PHF14: variants seen among roughly 807,000 people sequenced by gnomAD.
PHF14 encodes the protein PHD finger protein 14.
PHF14 carries 55 observed loss-of-function variants against 117.9 expected under a neutral mutation model. That is an observed-to-expected ratio of 0.47 (90% CI 0.38 to 0.58). The LOEUF is 0.58. Among genes scored for constraint, PHF14 ranks in the 20% least tolerant of loss-of-function variants. The pLI, the probability that PHF14 is intolerant of heterozygous loss-of-function variation, is 0.00. For synonymous variants in PHF14, 409 were observed against 368.6 expected (o/e 1.11, Z -1.26); for missense variants, 978 against 1,122.2 (o/e 0.87, Z 1.84).
chr7:10,976,537 A>G (rs1321948851), intron 2 of PHF14, among the ~76,000 whole-genome samples: 1 of 152,156 alleles, frequency 6.6e-6, no homozygotes, highest in East Asian at 1.9e-4. Flanking sequence ...TTATGTGACA[A>G]TAAATCTTGA....
intron 13 of PHF14, among the ~76,000 whole-genome samples, chr7:11,043,519 C>A (rs1359066202): frequency 6.6e-6 from 1 of 151,994 alleles, no homozygotes; most frequent in Non-Finnish European, 1.5e-5. Flanking sequence ...GAGTGAACCC[C>A]AAATTTTTAA....
intron 17 of PHF14, among the ~76,000 whole-genome samples, chr7:11,144,090 C>T (rs887349073): frequency 1.3e-5 from 2 of 151,956 alleles, no homozygotes; most frequent in East Asian, 1.9e-4. Flanking sequence ...AAAAGTCATA[C>T]AAGCAGTCAA....
intron 17 of PHF14, among the ~76,000 whole-genome samples, chr7:11,148,607 T>G (rs928785346): frequency 6.6e-6 from 1 of 152,204 alleles, no homozygotes; most frequent in Non-Finnish European, 1.5e-5. Context: ...AACAGTTTGT[T>G]GCCTGTCTCT....
At chr7:11,119,143 A>T (rs1787680804) in intron 17 of PHF14, among the ~76,000 whole-genome samples, 1 of 151,962 alleles carries the variant, frequency 6.6e-6, no homozygotes, top group Admixed American at 6.6e-5. Context: ...CATAACTGAG[A>T]TAATTAATCA....
At chr7:11,136,502 C>G (rs1054483594) in intron 17 of PHF14, among the ~76,000 whole-genome samples, 1 of 152,096 alleles carries the variant, frequency 6.6e-6, no homozygotes, top group Non-Finnish European at 1.5e-5. Flanking sequence ...CAAGTAAAAA[C>G]TGAATTACAT....
Position 10,982,482 on chromosome 7 carries a change from A to G in PHF14, c.223A>G (p.Lys75Glu), listed in dbSNP as rs1363164464. 2 of 1,580,022 alleles carry G rather than the reference A, an allele frequency of 1.3e-6. No homozygotes were observed. The highest frequency in any genetic ancestry group is 1.7e-6 in the Non-Finnish European group (2 of 1,154,254). ...AGAAGAAGAACTGAATGAAGATATT[A>G]AAGTAAAAGAAGAACAACTTAAAAA... The part of the protein sequence containing the change: ...ILEEELNEDI[K>E]VKEEQLKNSA... The change falls in exon 3 of 18, where the codon AAA becomes GAA. Residue 75 changes from lysine (K) to glutamate (E), a missense_variant. By Grantham distance (56) the Lys-to-Glu change is moderately conservative. This residue lies in a region of PHF14 where 414 missense variants were observed against 376.4 expected (regional missense o/e 1.10). Transcript: ENST00000634607.
rs751222988 is a variant in PHF14, at chr7:11,111,366, C to T, written c.2671C>T (p.Leu891Phe). 6.3e-7 allele frequency: 1 copy of T among 1,594,850 alleles called. No individual in the cohort carries two copies. Among genetic ancestry groups the T allele is most frequent in the African/African-American group, 1.3e-5 (1 of 74,548 alleles). The change falls in exon 17 of 18, where the codon CTC becomes TTC. Residue 891 changes from leucine to phenylalanine, a missense_variant. Around this residue, in one of 7 missense-constraint regions of PHF14, gnomAD observed 180 missense variants for 195.4 expected, o/e 0.92. Transcript: ENST00000634607. ...ACCCTGCAGGTGTGATGAATGCAGA[C>T]TCTGCTACCATTTTGGCTGTTTGGA... Reference protein sequence around the residue: ...ENLVRCDECRLCYHFGCLDPP... With the variant: ...ENLVRCDECRFCYHFGCLDPP...
chr7:11,090,256 A>G (rs570249040), intron 16 of PHF14, among the ~76,000 whole-genome samples: 3 of 152,360 alleles, frequency 2.0e-5, no homozygotes, highest in East Asian at 3.9e-4. Context: ...GAGGAGGAGA[A>G]GTTCTGCTTT....
chr7:11,023,679 T>G (rs1396858508), intron 6 of PHF14, among the ~76,000 whole-genome samples: 2 of 152,118 alleles, frequency 1.3e-5, no homozygotes, highest in African/African-American at 4.8e-5. Context: ...ATACAACAAA[T>G]TAGCTGGGCG....
intron 5 of PHF14, among the ~76,000 whole-genome samples, chr7:11,021,612 A>G (rs1401159131): frequency 6.6e-6 from 1 of 152,156 alleles, no homozygotes; most frequent in East Asian, 1.9e-4. Flanking sequence ...ATAAACTCCT[A>G]CAGAGTATAG....
intron 6 of PHF14, 34 bp from the exon 7 acceptor site, chr7:11,028,647 T>C (rs772055252): frequency 3.1e-6 from 5 of 1,608,620 alleles, no homozygotes; most frequent in Non-Finnish European, 3.4e-6. Context: ...GGAAATAAGT[T>C]TGCTTTGAGA....
intron 14 of PHF14, 133 bp from the exon 15 acceptor site, chr7:11,061,658 T>C: frequency 1.8e-6 from 1 of 543,180 alleles, no homozygotes; most frequent in Non-Finnish European, 3.0e-6. Flanking sequence ...TAGTATTAAT[T>C]AGAAATAACT....
intron 13 of PHF14, among the ~76,000 whole-genome samples, chr7:11,050,625 A>G (rs1784825696): frequency 6.6e-6 from 1 of 152,174 alleles, no homozygotes. Context: ...GTAACCATCT[A>G]TGGCTAGTGG....
intron 4 of PHF14, among the ~76,000 whole-genome samples, chr7:10,999,103 G>T (rs1782765739): frequency 6.6e-6 from 1 of 152,108 alleles, no homozygotes; most frequent in South Asian, 2.1e-4. Context: ...TCAAACTCCT[G>T]GGCTCAAACA....
chr7:11,032,090 C>T (rs368743718), intron 7 of PHF14, among the ~76,000 whole-genome samples: 2 of 151,780 alleles, frequency 1.3e-5, no homozygotes, highest in East Asian at 3.9e-4. Context: ...CATAGCAAGA[C>T]CCAATCTCTA....
intron 17 of PHF14, among the ~76,000 whole-genome samples, chr7:11,137,049 G>A (rs1324985672): frequency 6.6e-6 from 1 of 152,052 alleles, no homozygotes; most frequent in Non-Finnish European, 1.5e-5. Context: ...TTCTTATGGG[G>A]GCAAAAATGC....
intron 4 of PHF14, among the ~76,000 whole-genome samples, chr7:11,001,726 C>T (rs187232320): frequency 1.8e-4 from 28 of 152,246 alleles, no homozygotes; most frequent in African/African-American, 6.5e-4. Context: ...TTGTATGCTG[C>T]AGTCTTGCTA....
At chr7:11,001,304 A>G (rs556773761) in intron 4 of PHF14, among the ~76,000 whole-genome samples, 5 of 152,190 alleles carry the variant, frequency 3.3e-5, no homozygotes, top group Admixed American at 1.3e-4. Context: ...GCAGCTTCAT[A>G]GTAAGTCTTG....
At chr7:11,070,225 G>A (rs575420038) in intron 16 of PHF14, among the ~76,000 whole-genome samples, 19 of 151,158 alleles carry the variant, frequency 1.3e-4, no homozygotes, top group South Asian at 6.3e-4. Flanking sequence ...CTACAAGTGC[G>A]CGCCACCATG....
Sources: allele counts gnomAD v4.1 joint callset (sites outside exome capture counted in the v4.1 genomes callset), GRCh38; gene constraint gnomAD v4.1.1; regional missense constraint gnomAD v4.1.1; transcripts MANE v1.5; gene names NCBI Gene and HGNC (gene_info 2026-07-23, HGNC 2026-07-21).